NEK11: variants seen among roughly 807,000 people sequenced by gnomAD.
NEK11 encodes NIMA related kinase 11.
A neutral mutation model predicts 80.7 loss-of-function variants in NEK11; 72 were observed. The ratio of observed to expected loss-of-function variants is 0.89; its 90% CI spans 0.74 to 1.08. The LOEUF is 1.08. Ranked by LOEUF, NEK11 falls within the 50% of genes least tolerant of loss-of-function variation. The pLI is 0.00. For missense variants in NEK11, 764 were observed against 763.6 expected (o/e 1.00, Z -0.01); for synonymous variants, 251 against 260.7 (o/e 0.96, Z 0.36).
intron 16 of NEK11, among the ~76,000 whole-genome samples, chr3:131,250,781 A>G (rs73870824): frequency 0.012 from 1,778 of 152,244 alleles, 49 homozygotes; most frequent in African/African-American, 0.04. Context: ...TTTGGATTTT[A>G]TCATAATGAG....
chr3:131,080,624 A>C (rs2075112393), intron 4 of NEK11, 36 bp downstream of exon 4: 2 of 1,560,412 alleles, frequency 1.3e-6, no homozygotes, highest in South Asian at 2.4e-5. Flanking sequence ...GTCTTTATAA[A>C]AACTTGCTGA....
Position 131,349,545 on chromosome 3 carries a change from C to CT in NEK11, c.1719-6dup. 16 of 1,607,996 alleles carry CT rather than the reference C, an allele frequency of 1.0e-5. No individual in the cohort carries two copies. The highest frequency in any genetic ancestry group is 1.3e-5 in the Non-Finnish European group (15 of 1,175,724). On this transcript the variant is annotated splice_polypyrimidine_tract_variant and intron_variant, in intron 17 of 17. Transcript: ENST00000383366. ...TGTAACTCTTTGTAATCTTTTGTAA[C>CT]TTTTTTGACAGATCAGCCATGCAGA...
At chr3:131,122,486 C>T (rs2082555841) in intron 5 of NEK11, among the ~76,000 whole-genome samples, 1 of 152,194 alleles carries the variant, frequency 6.6e-6, no homozygotes, top group East Asian at 1.9e-4. Flanking sequence ...GGGAATGAGA[C>T]TGATGAAGAA....
At chr3:131,273,350 C>T (rs959113274) in intron 16 of NEK11, 128 bp from the exon 17 acceptor site, 1 of 627,014 alleles carries the variant, frequency 1.6e-6, no homozygotes. Flanking sequence ...TTGAATTCAT[C>T]TCTAATTAAT....
Position 131,228,614 on chromosome 3 carries a change from GA to G in NEK11, c.1489del (p.Ile497Ter). 6.2e-7 allele frequency: 1 copy of G among 1,613,790 alleles called. No individual in the cohort carries two copies. Among genetic ancestry groups the G allele is most frequent in the East Asian group, 2.2e-5 (1 of 44,872 alleles). On this transcript the variant is annotated frameshift_variant, in exon 15 of 18. Coordinates refer to ENST00000383366, the MANE Select transcript of NEK11 (RefSeq NM_024800.5). LOFTEE classifies it high-confidence loss of function. Reference sequence around the variant, plus strand: ...TGAAGAGAGTGATGAGGAGGAAGAAGAAATAGCGTTAGAAAGACCAGAGAAA... The same window carrying G: ...TGAAGAGAGTGATGAGGAGGAAGAAGAATAGCGTTAGAAAGACCAGAGAAA... ...YCEESDEEEE[E>X]IALERPEKEI...
intron 14 of NEK11, among the ~76,000 whole-genome samples, chr3:131,211,588 G>A (rs958682071): frequency 3.5e-4 from 53 of 152,240 alleles, no homozygotes; most frequent in African/African-American, 2.2e-4. Flanking sequence ...CATTCTCCCC[G>A]TCACTTTCAG....
intron 14 of NEK11, among the ~76,000 whole-genome samples, chr3:131,219,169 T>A (rs1204218335): frequency 6.6e-6 from 1 of 151,926 alleles, no homozygotes; most frequent in African/African-American, 2.4e-5. Context: ...ATAGACTGGA[T>A]AAAGAAAATG....
intron 14 of NEK11, among the ~76,000 whole-genome samples, chr3:131,194,271 G>A (rs909180964): frequency 6.6e-6 from 1 of 152,086 alleles, no homozygotes; most frequent in Admixed American, 6.6e-5. Context: ...TAGTCGAATA[G>A]CTTATGAAAA....
intron 16 of NEK11, among the ~76,000 whole-genome samples, chr3:131,247,073 G>A (rs1332391286): frequency 1.3e-5 from 2 of 152,026 alleles, no homozygotes; most frequent in Admixed American, 6.6e-5. Flanking sequence ...TGGGTTGTCT[G>A]TTAATTCTGC....
At position 131,132,790 on chromosome 3, in the gene NEK11, AAAT is replaced by A; in HGVS notation, c.505_507del (p.Asn169del). ...TAAAGTCAAAGAATGTATTTCTGAA[AAAT>A]AATCTCCTTAAAATTGGTAAGATTT... On this transcript the variant is annotated inframe_deletion, in exon 6 of 18. Transcript: ENST00000383366. 6.6e-7 allele frequency: 1 copy of A among 1,519,098 alleles called. No homozygotes were observed. 94.1% of individuals were successfully genotyped at this position (1,519,098 alleles called of 1,614,324 possible). A position where few individuals can be genotyped will look rare whatever the true frequency, so the allele number is the denominator to read the frequency against.
chr3:131,157,621 G>A (rs540692195), intron 10 of NEK11, among the ~76,000 whole-genome samples: 1 of 152,272 alleles, frequency 6.6e-6, no homozygotes, highest in East Asian at 1.9e-4. Flanking sequence ...CTGCCACTGA[G>A]GGACCAGGAT....
At chr3:131,123,904 C>T (rs1049990830) in intron 5 of NEK11, among the ~76,000 whole-genome samples, 6 of 152,220 alleles carry the variant, frequency 3.9e-5, no homozygotes, top group Non-Finnish European at 7.3e-5. Context: ...AAATTTATTA[C>T]CTTGCCTAAC....
chr3:131,228,317 G>T (rs1291313104), intron 14 of NEK11, among the ~76,000 whole-genome samples: 1 of 152,012 alleles, frequency 6.6e-6, no homozygotes, highest in African/African-American at 2.4e-5. Context: ...GTTGCTAATG[G>T]AAATGTTCCT....
At chr3:131,231,649 T>A (rs2095332519) in intron 15 of NEK11, among the ~76,000 whole-genome samples, 1 of 151,880 alleles carries the variant, frequency 6.6e-6, no homozygotes, top group Non-Finnish European at 1.5e-5. Context: ...ATGTAGTTTC[T>A]CCTTCCCCAA....
At chr3:131,322,061 T>G (rs2096902714) in intron 17 of NEK11, among the ~76,000 whole-genome samples, 1 of 152,170 alleles carries the variant, frequency 6.6e-6, no homozygotes. Context: ...GCAGCACTAT[T>G]CACAATAGCA....
chr3:131,310,196 TA>T (rs2096767481), intron 17 of NEK11, among the ~76,000 whole-genome samples: 1 of 152,198 alleles, frequency 6.6e-6, no homozygotes, highest in African/African-American at 2.4e-5. Flanking sequence ...TATGAGGTCA[TA>T]AAAAGTATTT....
At chr3:131,214,694 C>CGTGT (rs748168866) in intron 14 of NEK11, among the ~76,000 whole-genome samples, 2 of 65,840 alleles carry the variant, frequency 3.0e-5, no homozygotes, top group Admixed American at 2.1e-4. Flanking sequence ...AATGTGCGTG[C>CGTGT]ATGTGTGTGT....
intron 17 of NEK11, among the ~76,000 whole-genome samples, chr3:131,298,111 T>G (rs2096619073): frequency 6.6e-6 from 1 of 152,178 alleles, no homozygotes; most frequent in South Asian, 2.1e-4. Context: ...GCCTCCAGCT[T>G]TGTTCTTTTG....
chr3:131,167,760 A>G (rs1234164813), intron 12 of NEK11, among the ~76,000 whole-genome samples: 1 of 152,198 alleles, frequency 6.6e-6, no homozygotes, highest in Non-Finnish European at 1.5e-5. Flanking sequence ...CAAGGATCCT[A>G]TGAACTCCCA....
Sources: allele counts gnomAD v4.1 joint callset (sites outside exome capture counted in the v4.1 genomes callset), GRCh38; gene constraint gnomAD v4.1.1; transcripts MANE v1.5; gene names NCBI Gene and HGNC (gene_info 2026-07-23, HGNC 2026-07-21).